COPS4: variants seen among roughly 807,000 people sequenced by gnomAD.
COPS4 encodes the protein COP9 signalosome subunit 4.
Under a neutral mutation model 55.1 loss-of-function variants are expected in COPS4, and 8 were observed. The observed-to-expected ratio is 0.15, with a 90% CI of 0.09 to 0.26. COPS4 has a LOEUF of 0.26. Among genes scored for constraint, COPS4 ranks in the 10% least tolerant of loss-of-function variants. The pLI is 1.00. For missense variants in COPS4, 248 were observed against 484.0 expected, an observed-to-expected ratio of 0.51 and a Z score of 4.58; for synonymous variants, 185 against 165.7, an observed-to-expected ratio of 1.12 and a Z score of -0.90.
intron 1 of COPS4, among the ~76,000 whole-genome samples, chr4:83,040,683 T>C (rs1730541295): frequency 6.6e-6 from 1 of 152,208 alleles, no homozygotes; most frequent in South Asian, 2.1e-4. Flanking sequence ...TTATCTTATT[T>C]TCCTCATTTT....
In COPS4 at chr4:83,047,451, C is replaced by T. The variant is rs561215940; in HGVS notation, c.155-1715C>T. On this transcript the variant is annotated intron_variant, in intron 2 of 9. Transcript: ENST00000264389. ...ATGCCTGTAGTCCCAGCTATTGGGACGCTGAGGTGGGAAGACTGCTTGAGC... is the reference window on the plus strand; with the variant it reads ...ATGCCTGTAGTCCCAGCTATTGGGATGCTGAGGTGGGAAGACTGCTTGAGC... Among the ~76,000 whole-genome samples, 5 of 150,110 alleles carry T rather than the reference C, an allele frequency of 3.3e-5. No individual in the cohort carries two copies. In the East Asian group the frequency reaches 6.0e-4, roughly 18 times the overall value.
At chr4:83,058,588 C>G (rs1056822142) in intron 6 of COPS4, among the ~76,000 whole-genome samples, 1 of 152,174 alleles carries the variant, frequency 6.6e-6, no homozygotes, top group African/African-American at 2.4e-5. Flanking sequence ...AGTACATGAA[C>G]ATGGTACTGC....
intron 6 of COPS4, among the ~76,000 whole-genome samples, chr4:83,058,386 T>G (rs1326319541): frequency 6.6e-6 from 1 of 151,974 alleles, no homozygotes; most frequent in African/African-American, 2.4e-5. Flanking sequence ...CCTGGCTAAT[T>G]TTTTTGTATT....
intron 6 of COPS4, among the ~76,000 whole-genome samples, chr4:83,061,171 TTTTAC>T (rs1249023584): frequency 1.9e-4 from 29 of 152,290 alleles, no homozygotes; most frequent in African/African-American, 6.3e-4. Flanking sequence ...ATTTTGAACT[TTTTAC>T]TTTACTTTTT....
chr4:83,055,307 TA>T (rs533859829), intron 4 of COPS4, among the ~76,000 whole-genome samples: 57 of 152,372 alleles, frequency 3.7e-4, no homozygotes, highest in African/African-American at 1.3e-3. Context: ...ATAATCTGAC[TA>T]CCCACAGATA....
chr4:83,042,914 ATTTTTTT>A (rs761199795), intron 1 of COPS4, among the ~76,000 whole-genome samples: 6 of 133,288 alleles, frequency 4.5e-5, no homozygotes, highest in African/African-American at 1.7e-4. Flanking sequence ...CAATTTTTGT[ATTTTTTT>A]TTTTTTTTTG....
At chr4:83,047,444 A>C (rs1053192296) in intron 2 of COPS4, among the ~76,000 whole-genome samples, 2 of 152,128 alleles carry the variant, frequency 1.3e-5, no homozygotes, top group African/African-American at 2.4e-5. Context: ...AGTCCCAGCT[A>C]TTGGGACGCT....
At chr4:83,043,723 T>C (rs1730631609) in intron 1 of COPS4, among the ~76,000 whole-genome samples, 1 of 152,128 alleles carries the variant, frequency 6.6e-6, no homozygotes, top group Non-Finnish European at 1.5e-5. Flanking sequence ...AACAAACCAT[T>C]GAATGTATAA....
intron 1 of COPS4, among the ~76,000 whole-genome samples, chr4:83,043,536 A>C (rs968077708): frequency 2.7e-5 from 4 of 150,322 alleles, no homozygotes; most frequent in African/African-American, 4.9e-5. Flanking sequence ...AAAAAAAAAA[A>C]AAAAAAAAAA....
At chr4:83,066,910 A>G (rs777854507) in intron 8 of COPS4, among the ~76,000 whole-genome samples, 5 of 152,238 alleles carry the variant, frequency 3.3e-5, no homozygotes, top group Non-Finnish European at 5.9e-5. Flanking sequence ...AATGACATTC[A>G]GAGAGTATTG....
At chr4:83,070,185 C>G (rs1418922701) in intron 9 of COPS4, among the ~76,000 whole-genome samples, 2 of 152,190 alleles carry the variant, frequency 1.3e-5, no homozygotes, top group African/African-American at 4.8e-5. Context: ...TTTGTAGAAT[C>G]TGTAGTACCT....
chr4:83,069,014 G>C (rs2126134660), intron 9 of COPS4, among the ~76,000 whole-genome samples: 1 of 151,872 alleles, frequency 6.6e-6, no homozygotes, highest in Non-Finnish European at 1.5e-5. Flanking sequence ...CTTACTGCAG[G>C]ATTTTCTATG....
At chr4:83,056,291 G>A (rs1731011386) in intron 4 of COPS4, among the ~76,000 whole-genome samples, 1 of 152,024 alleles carries the variant, frequency 6.6e-6, no homozygotes, top group East Asian at 1.9e-4. Flanking sequence ...CATTTTAAAG[G>A]ATTCAAAGGA....
chr4:83,052,374 A>G (rs922764746), intron 4 of COPS4, among the ~76,000 whole-genome samples: 1 of 152,174 alleles, frequency 6.6e-6, no homozygotes, highest in African/African-American at 2.4e-5. Flanking sequence ...TGGGTAGTTC[A>G]TCTGTGTCAG....
intron 1 of COPS4, among the ~76,000 whole-genome samples, chr4:83,042,593 T>A (rs1730596182): frequency 6.6e-6 from 1 of 151,918 alleles, no homozygotes. Context: ...TTTGTAATTT[T>A]TTTTTATTTT....
At chr4:83,051,070 G>A (rs571590713) in intron 4 of COPS4, among the ~76,000 whole-genome samples, 141 of 150,066 alleles carry the variant, frequency 9.4e-4, no homozygotes, top group Non-Finnish European at 1.5e-3. Context: ...AGAACCACTT[G>A]GGCAGCATAG....
chr4:83,047,502 T>C (rs566149739), intron 2 of COPS4, among the ~76,000 whole-genome samples: 21 of 151,950 alleles, frequency 1.4e-4, no homozygotes, highest in Admixed American at 9.9e-4. Flanking sequence ...TGAAGTGAGC[T>C]GAGGTTGCAT....
chr4:83,045,055 C>T (rs947398811), intron 1 of COPS4, among the ~76,000 whole-genome samples: 15 of 152,138 alleles, frequency 9.9e-5, no homozygotes, highest in Non-Finnish European at 2.9e-5. Flanking sequence ...TCTATCAGTG[C>T]ATTTGGCTTG....
chr4:83,037,268 C>T (rs1037637093), intron 1 of COPS4, among the ~76,000 whole-genome samples: 1 of 152,170 alleles, frequency 6.6e-6, no homozygotes, highest in Non-Finnish European at 1.5e-5. Flanking sequence ...CGTCAGTTCT[C>T]TAGTACTGGT....
Sources: gnomAD v4.1 joint callset for allele counts (sites outside exome capture counted in the v4.1 genomes callset) on GRCh38, gnomAD v4.1.1 for gene constraint, MANE v1.5 for transcripts, NCBI Gene and HGNC (gene_info 2026-07-23, HGNC 2026-07-21) for gene names.